Variants in METTL22 observed in about 807,000 individuals in gnomAD.
METTL22 encodes methyltransferase-like protein 22.
Under a neutral mutation model 48.4 loss-of-function variants are expected in METTL22, and 51 were observed. The ratio of observed to expected loss-of-function variants is 1.05; its 90% CI spans 0.84 to 1.33. METTL22 has a LOEUF of 1.33. Ranked by LOEUF, METTL22 falls within the 40% of genes most tolerant of loss-of-function variation. The pLI is 0.00. For synonymous variants in METTL22, 255 were observed against 214.1 expected (o/e 1.19, Z -1.67); for missense variants, 678 against 526.9 (o/e 1.29, Z -2.81).
At chr16:8,667,059 G>C in the METTL22 span, 6 of 151,912 alleles carry the variant, frequency 3.9e-5, no homozygotes, top group African/African-American at 1.4e-4. Context: ...GCCCCCAAAA[G>C]TGCTGGGATT....
intron 3 of METTL22, among the ~76,000 whole-genome samples, chr16:8,633,897 TGGCACCCAG>T (rs2056343978): frequency 6.6e-6 from 1 of 152,224 alleles, no homozygotes; most frequent in Admixed American, 6.5e-5. Context: ...AGAATCTCAG[TGGCACCCAG>T]GGCTTGCTCA....
chr16:8,641,683 G>C, intron 7 of METTL22: 1 of 383,842 alleles, frequency 2.6e-6, no homozygotes, highest in African/African-American at 2.1e-5. Flanking sequence ...GGGAAAAGTC[G>C]TTCCTTGAGT....
chr16:8,623,255 G>A lies in METTL22; in HGVS notation c.-171+1480G>A, dbSNP rs146354399. On this transcript the variant is annotated intron_variant, in intron 1 of 10. Transcript: ENST00000381920. Reference sequence around the variant, plus strand: ...GAGCCCAGGAGGCGGAGGTTGTAGTGAGCCGAGATGGCACCACTGCACTCT... The same window carrying A: ...GAGCCCAGGAGGCGGAGGTTGTAGTAAGCCGAGATGGCACCACTGCACTCT... Among the ~76,000 whole-genome samples the A allele has an allele frequency of 6.9e-3, 1,047 of 151,478 alleles. 12 individuals carry two copies. Among genetic ancestry groups the A allele is most frequent in the African/African-American group, 0.024 (1,000 of 41,188 alleles).
In METTL22 at chr16:8,625,797, A is replaced by G. The variant is rs753595937; in HGVS notation, c.132A>G (p.Pro44=). Residue 44 remains proline, a splice_region_variant and synonymous_variant, in exon 2 of 11, where the codon CCA becomes CCG. Coordinates refer to ENST00000381920, the MANE Select transcript of METTL22 (RefSeq NM_024109.4). The part of the protein sequence containing the change: ...LMVRLNSVGQ[P]VFLSQFKLLW... Reference sequence around the variant, plus strand: ...TACGGCTGAACAGCGTGGGGCAGCCAGGTAAGGTCCTGGGCCCAGGTGCCC... The same window carrying G: ...TACGGCTGAACAGCGTGGGGCAGCCGGGTAAGGTCCTGGGCCCAGGTGCCC... 1 of 1,614,080 alleles carries G rather than the reference A, an allele frequency of 6.2e-7. No individual in the cohort carries two copies. Among genetic ancestry groups the G allele is most frequent in the Non-Finnish European group, 8.5e-7 (1 of 1,179,966 alleles).
In METTL22 at chr16:8,637,792, C is replaced by T. The variant is rs77133286; in HGVS notation, c.701-1299C>T. On this transcript the variant is annotated intron_variant, in intron 5 of 10. Transcript: ENST00000381920. ...CTCAGCCAGAGCTGCTCCTCTCTTA[C>T]CTGTTTTATAGGTTAAAAGCTTTTG... Among the ~76,000 whole-genome samples the T allele has an allele frequency of 4.0e-3, 614 of 152,288 alleles. 2 individuals are homozygous for T. Among genetic ancestry groups the T allele is most frequent in the Middle Eastern group, 0.017 (5 of 294 alleles).
intron 8 of METTL22, 99 bp downstream of exon 8, chr16:8,642,306 A>T: frequency 4.7e-6 from 6 of 1,269,086 alleles, no homozygotes; most frequent in Non-Finnish European, 6.9e-6. Context: ...TTTAGAAGTG[A>T]CTTTCTGGTA....
the METTL22 span, among the ~76,000 whole-genome samples, chr16:8,664,174 G>A: frequency 1.3e-5 from 2 of 151,206 alleles, no homozygotes; most frequent in Non-Finnish European, 2.9e-5. Flanking sequence ...TGCATCCTCC[G>A]GCTCCTGGAC....
intron 2 of METTL22, 136 bp downstream of exon 2, chr16:8,625,934 T>A: frequency 9.0e-7 from 1 of 1,110,126 alleles, no homozygotes; most frequent in Non-Finnish European, 1.3e-6. Flanking sequence ...GTGCCCTTTT[T>A]TTCTTTATGA....
intron 3 of METTL22, among the ~76,000 whole-genome samples, chr16:8,632,676 C>G (rs1229229451): frequency 6.6e-6 from 1 of 152,180 alleles, no homozygotes; most frequent in Non-Finnish European, 1.5e-5. Context: ...GAAGCGCTGT[C>G]TGGTTAAACA....
intron 2 of METTL22, among the ~76,000 whole-genome samples, chr16:8,626,590 C>T (rs367795896): frequency 6.1e-4 from 84 of 138,284 alleles, no homozygotes; most frequent in Middle Eastern, 4.7e-3. Context: ...CTGGGATTAC[C>T]GGCACCTGCC....
At chr16:8,664,069 T>C in the METTL22 span, among the ~76,000 whole-genome samples, 1 of 151,430 alleles carries the variant, frequency 6.6e-6, no homozygotes, top group African/African-American at 2.4e-5. Context: ...TTCCTTACAC[T>C]TGTGCATTCT....
chr16:8,661,387 C>G, the METTL22 span, among the ~76,000 whole-genome samples: 3 of 151,558 alleles, frequency 2.0e-5, no homozygotes, highest in Non-Finnish European at 4.4e-5. Flanking sequence ...TGGCTCACAC[C>G]TGTAATCCCA....
chr16:8,645,908 C>A, intron 10 of METTL22, 200 bp from the exon 11 acceptor site: 1 of 962,412 alleles, frequency 1.0e-6, no homozygotes, highest in Non-Finnish European at 1.2e-6. Flanking sequence ...ATCCATCCAG[C>A]CTCTCTGCCA....
the METTL22 span, among the ~76,000 whole-genome samples, chr16:8,662,191 G>C: frequency 1.4e-5 from 2 of 145,610 alleles, no homozygotes; most frequent in Admixed American, 1.4e-4. Flanking sequence ...ACAGTGAACT[G>C]TGACTGCACC....
chr16:8,644,739 C>T lies in METTL22; in HGVS notation c.1179+14C>T, dbSNP rs1468459676. On this transcript the variant is annotated intron_variant, in intron 10 of 10. Transcript: ENST00000381920. ...CTCCAGCAACTGGTAGGTCCAGGCCCCGAAGCAGGGCCGTTGGTTGCTTTA... is the reference window on the plus strand; with the variant it reads ...CTCCAGCAACTGGTAGGTCCAGGCCTCGAAGCAGGGCCGTTGGTTGCTTTA... The T allele has an allele frequency of 6.4e-7, 1 of 1,552,768 alleles. No individual in the cohort carries two copies. The highest frequency in any genetic ancestry group is 1.2e-5 in the South Asian group (1 of 83,616).
the METTL22 span, among the ~76,000 whole-genome samples, chr16:8,665,035 G>T: frequency 6.6e-6 from 1 of 152,122 alleles, no homozygotes; most frequent in Non-Finnish European, 1.5e-5. Context: ...AGCTGGGTGG[G>T]AGCCCTGATG....
At position 8,646,428 on chromosome 16, in the gene METTL22, C is replaced by G. The variant is rs1439550415; in HGVS notation, c.*285C>G. On this transcript the variant is annotated 3_prime_UTR_variant, in exon 11 of 11. Transcript: ENST00000381920. ...AGCCACGTTCCTTCTCAGCTCAGTTCCACCCACGTCAGTCATTTCAGCTGT... is the reference window on the plus strand; with the variant it reads ...AGCCACGTTCCTTCTCAGCTCAGTTGCACCCACGTCAGTCATTTCAGCTGT... 1 of 656,576 alleles carries G rather than the reference C, an allele frequency of 1.5e-6. No homozygotes were observed. The highest frequency in any genetic ancestry group is 1.5e-5 in the South Asian group (1 of 66,362). 40.7% of individuals were successfully genotyped at this position (656,576 alleles called of 1,614,324 possible). A position where few individuals can be genotyped will look rare whatever the true frequency, so the allele number is the denominator to read the frequency against.
chr16:8,628,721 G>C lies in METTL22; in HGVS notation c.134-9G>C, dbSNP rs1240824999. On this transcript the variant is annotated splice_polypyrimidine_tract_variant and intron_variant, in intron 2 of 10. Coordinates refer to ENST00000381920, the MANE Select transcript of METTL22 (RefSeq NM_024109.4). Reference sequence around the variant, plus strand: ...GAATTCTCATTTTGCGTTCTGTCTTGCCTTTCAGTTTTCCTGTCCCAATTC... The same window carrying C: ...GAATTCTCATTTTGCGTTCTGTCTTCCCTTTCAGTTTTCCTGTCCCAATTC... 3.8e-6 allele frequency: 6 copies of C among 1,595,842 alleles called. No homozygotes were observed. The highest frequency in any genetic ancestry group is 1.7e-4 in the Middle Eastern group (1 of 5,956).
chr16:8,646,431 C>A lies in METTL22; in HGVS notation c.*288C>A. 1 of 654,194 alleles carries A rather than the reference C, an allele frequency of 1.5e-6. No individual in the cohort carries two copies. The highest frequency in any genetic ancestry group is 2.8e-6 in the Non-Finnish European group (1 of 354,404). The allele number at this position is 654,194 out of a possible 1,614,324, so 40.5% of individuals were successfully genotyped here. On this transcript the variant is annotated 3_prime_UTR_variant, in exon 11 of 11. Coordinates refer to ENST00000381920, the MANE Select transcript of METTL22 (RefSeq NM_024109.4). ...CACGTTCCTTCTCAGCTCAGTTCCACCCACGTCAGTCATTTCAGCTGTGTG... is the reference window on the plus strand; with the variant it reads ...CACGTTCCTTCTCAGCTCAGTTCCAACCACGTCAGTCATTTCAGCTGTGTG...
Sources: allele counts gnomAD v4.1 joint callset (sites outside exome capture counted in the v4.1 genomes callset), GRCh38; gene constraint gnomAD v4.1.1; transcripts MANE v1.5; gene names NCBI Gene and HGNC (gene_info 2026-07-23, HGNC 2026-07-21).